Variants in MAST4 observed in about 807,000 individuals in gnomAD.
MAST4 encodes microtubule-associated serine/threonine-protein kinase 4.
Under a neutral mutation model 162.7 loss-of-function variants are expected in MAST4, and 89 were observed. The ratio of observed to expected loss-of-function variants is 0.55; its 90% CI spans 0.46 to 0.65. The LOEUF is 0.65. Among genes scored for constraint, MAST4 ranks in the 30% least tolerant of loss-of-function variants. The probability of loss-of-function intolerance (pLI) is 0.00; values close to 1 mark genes in which losing one functional copy is unlikely to be tolerated. For synonymous variants in MAST4, 1,479 were observed against 1,361.1 expected (o/e 1.09, Z -1.91); for missense variants, 3,153 against 3,374.0 (o/e 0.93, Z 1.62).
At chr5:66,885,455 A>C (rs991920137) in intron 3 of MAST4, among the ~76,000 whole-genome samples, 1 of 152,250 alleles carries the variant, frequency 6.6e-6, no homozygotes, top group African/African-American at 2.4e-5. Flanking sequence ...AATGTAATGA[A>C]AGCTATGCAA....
chr5:66,826,564 G>A (rs1244896043), intron 3 of MAST4, among the ~76,000 whole-genome samples: 1 of 151,952 alleles, frequency 6.6e-6, no homozygotes, highest in East Asian at 1.9e-4. Context: ...CTGATGACCC[G>A]ATTTGTGTTT....
At chr5:66,925,819 A>G (rs954570028) in intron 4 of MAST4, among the ~76,000 whole-genome samples, 1 of 152,142 alleles carries the variant, frequency 6.6e-6, no homozygotes, top group African/African-American at 2.4e-5. Flanking sequence ...CTAACCCTAT[A>G]ATTGATCAAG....
At chr5:66,731,174 C>T (rs1174003606) in intron 1 of MAST4, among the ~76,000 whole-genome samples, 1 of 152,166 alleles carries the variant, frequency 6.6e-6, no homozygotes, top group Non-Finnish European at 1.5e-5. Flanking sequence ...TAGGGATACA[C>T]AATTGAATAA....
intron 4 of MAST4, among the ~76,000 whole-genome samples, chr5:66,926,838 TTG>T (rs763611350): frequency 6.6e-6 from 1 of 152,118 alleles, no homozygotes; most frequent in Non-Finnish European, 1.5e-5. Flanking sequence ...TGGGTTTTCT[TTG>T]TACTAAAAGT....
At chr5:66,702,409 T>C (rs1389641822) in intron 1 of MAST4, among the ~76,000 whole-genome samples, 1 of 152,172 alleles carries the variant, frequency 6.6e-6, no homozygotes. Flanking sequence ...ACAGAAATAG[T>C]TACGTTATGT....
Position 66,711,273 on chromosome 5 carries a change from A to G in MAST4, c.364-48436A>G, listed in dbSNP as rs151308133. On this transcript the variant is annotated intron_variant, in intron 1 of 28. Coordinates refer to ENST00000403625, the MANE Select transcript of MAST4 (RefSeq NM_001164664.2). ...TTAGTGGCTTAAGGCAGTACAAGCTACTTCTTTTCTGAAAGGTCTTTCTAG... is the reference window on the plus strand; with the variant it reads ...TTAGTGGCTTAAGGCAGTACAAGCTGCTTCTTTTCTGAAAGGTCTTTCTAG... Among the ~76,000 whole-genome samples the G allele has an allele frequency of 7.0e-4, 106 of 152,336 alleles. 1 individual carries two copies. Among genetic ancestry groups the G allele is most frequent in the African/African-American group, 2.5e-3 (103 of 41,584 alleles).
intron 2 of MAST4, among the ~76,000 whole-genome samples, chr5:66,769,203 C>T (rs1210381462): frequency 6.6e-6 from 1 of 152,046 alleles, no homozygotes; most frequent in Admixed American, 6.5e-5. Flanking sequence ...CAGAGAGAGG[C>T]CTGGTCAAGG....
intron 4 of MAST4, among the ~76,000 whole-genome samples, chr5:67,007,319 C>A (rs143642355): frequency 2.6e-5 from 4 of 152,262 alleles, no homozygotes; most frequent in African/African-American, 9.6e-5. Context: ...TTCCAAAGGA[C>A]CTTTCTGTTC....
At chr5:67,144,579 C>T in intron 21 of MAST4, 90 bp from the exon 22 acceptor site, 2 of 1,309,220 alleles carry the variant, frequency 1.5e-6, no homozygotes, top group Non-Finnish European at 2.2e-6. Flanking sequence ...ATTTAGTTAT[C>T]CTCTCAGGTT....
chr5:66,791,030 G>A (rs1277526404), intron 3 of MAST4, among the ~76,000 whole-genome samples: 1 of 151,948 alleles, frequency 6.6e-6, no homozygotes, highest in Non-Finnish European at 1.5e-5. Flanking sequence ...TCTTCTTTTT[G>A]TTTGTTTTTT....
At chr5:66,754,037 C>T (rs572251580) in intron 1 of MAST4, among the ~76,000 whole-genome samples, 9 of 151,916 alleles carry the variant, frequency 5.9e-5, no homozygotes, top group Admixed American at 5.2e-4. Context: ...ATAAACAGAA[C>T]CAAAGACAAA....
intron 3 of MAST4, 114 bp downstream of exon 3, chr5:66,788,908 C>T: frequency 7.7e-7 from 1 of 1,293,152 alleles, no homozygotes; most frequent in Non-Finnish European, 1.0e-6. Context: ...ACGTTAAGCA[C>T]ATATTTGGCA....
chr5:67,011,105 G>C (rs891916968), intron 4 of MAST4, among the ~76,000 whole-genome samples: 2 of 152,114 alleles, frequency 1.3e-5, no homozygotes, highest in Admixed American at 1.3e-4. Context: ...TTCTTCCGTA[G>C]CCTTATGACT....
At chr5:66,613,481 T>C (rs796413853) in intron 1 of MAST4, among the ~76,000 whole-genome samples, 9 of 152,252 alleles carry the variant, frequency 5.9e-5, no homozygotes, top group African/African-American at 2.2e-4. Flanking sequence ...CCCTAACGTA[T>C]AGCTGGAAAA....
At chr5:67,002,556 A>G (rs1259778289) in intron 4 of MAST4, among the ~76,000 whole-genome samples, 2 of 152,208 alleles carry the variant, frequency 1.3e-5, no homozygotes, top group Non-Finnish European at 2.9e-5. Flanking sequence ...AGAAAGAAGC[A>G]CATTGTGGGG....
intron 21 of MAST4, chr5:67,142,824 C>T (rs1156292200): frequency 7.5e-6 from 2 of 265,518 alleles, no homozygotes; most frequent in African/African-American, 2.2e-5. Flanking sequence ...ACCCCGGCAC[C>T]AATATATTTC....
chr5:66,617,138 C>G (rs1743746670), intron 1 of MAST4, among the ~76,000 whole-genome samples: 1 of 152,128 alleles, frequency 6.6e-6, no homozygotes, highest in Non-Finnish European at 1.5e-5. Flanking sequence ...AAATTACCTT[C>G]AAATACAACC....
chr5:66,946,038 C>G (rs1368611196), intron 4 of MAST4, among the ~76,000 whole-genome samples: 1 of 152,114 alleles, frequency 6.6e-6, no homozygotes, highest in Non-Finnish European at 1.5e-5. Context: ...TGAGTTCTCT[C>G]ACGTTCTTCC....
At chr5:66,881,933 T>C (rs1359060201) in intron 3 of MAST4, among the ~76,000 whole-genome samples, 4 of 152,220 alleles carry the variant, frequency 2.6e-5, no homozygotes, top group East Asian at 1.9e-4. Flanking sequence ...TCAAGTTTTG[T>C]CCTGCTTCTG....
Sources: allele counts gnomAD v4.1 joint callset (sites outside exome capture counted in the v4.1 genomes callset), GRCh38; gene constraint gnomAD v4.1.1; transcripts MANE v1.5; gene names NCBI Gene and HGNC (gene_info 2026-07-23, HGNC 2026-07-21).